The following CALN1 variants were observed in gnomAD, a reference collection of about 807,000 sequenced individuals.
CALN1 encodes the protein calneuron 1.
Under a neutral mutation model 30.6 loss-of-function variants are expected in CALN1, and 17 were observed. That is an observed-to-expected ratio of 0.56 (90% CI 0.38 to 0.83). CALN1 has a LOEUF of 0.83. Among genes scored for constraint, CALN1 ranks in the 40% least tolerant of loss-of-function variants. The pLI, the probability that CALN1 is intolerant of heterozygous loss-of-function variation, is 0.00. For missense variants in CALN1, 291 were observed against 354.9 expected (o/e 0.82, Z 1.45); for synonymous variants, 156 against 131.4 (o/e 1.19, Z -1.28).
At chr7:72,380,095 ATTGT>A (rs113793276) in intron 2 of CALN1, among the ~76,000 whole-genome samples, 3 of 152,338 alleles carry the variant, frequency 2.0e-5, no homozygotes, top group African/African-American at 4.8e-5. Context: ...AATAGTGCAC[ATTGT>A]TTTTTATTAA....
intron 2 of CALN1, among the ~76,000 whole-genome samples, chr7:72,369,580 T>C (rs1804098068): frequency 1.3e-5 from 2 of 151,926 alleles, no homozygotes; most frequent in South Asian, 4.2e-4. Context: ...AGGCTTGTCT[T>C]CAACTGCTGA....
At chr7:72,314,113 T>A (rs943282400) in intron 2 of CALN1, among the ~76,000 whole-genome samples, 1 of 151,794 alleles carries the variant, frequency 6.6e-6, no homozygotes, top group African/African-American at 2.4e-5. Flanking sequence ...AGGGCTGGAG[T>A]GAGGTGTCGG....
At chr7:72,387,835 T>C (rs1805329852) in intron 2 of CALN1, among the ~76,000 whole-genome samples, 1 of 152,048 alleles carries the variant, frequency 6.6e-6, no homozygotes, top group Non-Finnish European at 1.5e-5. Context: ...TCTGAAAAGG[T>C]TGATCCCATA....
intron 6 of CALN1, among the ~76,000 whole-genome samples, chr7:71,799,100 A>G (rs945938356): frequency 2.6e-5 from 4 of 152,216 alleles, no homozygotes; most frequent in Non-Finnish European, 5.9e-5. Flanking sequence ...AATAACTAGA[A>G]GAAGATAACT....
chr7:71,994,559 T>C (rs1799146706), intron 5 of CALN1, among the ~76,000 whole-genome samples: 3 of 149,818 alleles, frequency 2.0e-5, no homozygotes, highest in Non-Finnish European at 4.4e-5. Context: ...TGAAGTGGTG[T>C]TATTCATCTG....
At chr7:71,939,499 G>C (rs923045462) in intron 5 of CALN1, among the ~76,000 whole-genome samples, 1 of 151,770 alleles carries the variant, frequency 6.6e-6, no homozygotes, top group African/African-American at 2.4e-5. Context: ...CTTGAACCTG[G>C]GAGGCAGAGG....
chr7:72,212,772 C>T (rs1168470640), intron 3 of CALN1, among the ~76,000 whole-genome samples: 1 of 150,272 alleles, frequency 6.7e-6, no homozygotes, highest in East Asian at 2.0e-4. Flanking sequence ...TATGATTATA[C>T]CACTGCACTC....
intron 2 of CALN1, among the ~76,000 whole-genome samples, chr7:72,391,325 G>A (rs1265112204): frequency 1.3e-5 from 2 of 152,128 alleles, no homozygotes; most frequent in African/African-American, 4.8e-5. Flanking sequence ...ACCTAATAAT[G>A]ATCAGAGGTA....
At chr7:72,407,913 G>A (rs1214803579) in intron 1 of CALN1, among the ~76,000 whole-genome samples, 7 of 152,050 alleles carry the variant, frequency 4.6e-5, no homozygotes, top group Non-Finnish European at 1.0e-4. Context: ...ACGGAACCGG[G>A]GAAGATTGTC....
At chr7:72,451,215 G>A (rs34505356), upstream of CALN1, among the ~76,000 whole-genome samples, 18,948 of 123,714 alleles carry the variant, frequency 0.15, 1,441 homozygotes, top group Non-Finnish European at 0.18. Flanking sequence ...GAAGAAGGAG[G>A]AGGAGGAGGA....
chr7:72,140,060 C>T (rs1417302943), intron 3 of CALN1, among the ~76,000 whole-genome samples: 1 of 151,872 alleles, frequency 6.6e-6, no homozygotes, highest in Non-Finnish European at 1.5e-5. Context: ...TGCTTCAGGC[C>T]AGGAGTTTGA....
intron 3 of CALN1, among the ~76,000 whole-genome samples, chr7:72,111,939 C>T (rs1807606777): frequency 6.6e-6 from 1 of 151,994 alleles, no homozygotes; most frequent in Non-Finnish European, 1.5e-5. Context: ...TTAGTAGAGA[C>T]GGTGTTTCAC....
chr7:71,807,336 T>G (rs866431480), intron 6 of CALN1, among the ~76,000 whole-genome samples: 1 of 152,146 alleles, frequency 6.6e-6, no homozygotes, highest in African/African-American at 2.4e-5. Flanking sequence ...CAGTATTCTC[T>G]TCCTAGACAC....
At chr7:72,436,407 T>C (rs1251384940) in intron 1 of CALN1, among the ~76,000 whole-genome samples, 3 of 152,216 alleles carry the variant, frequency 2.0e-5, no homozygotes, top group East Asian at 1.9e-4. Context: ...GCTTCCATGA[T>C]TGTGAGCCCT....
intron 2 of CALN1, among the ~76,000 whole-genome samples, chr7:72,380,371 C>G (rs1460203197): frequency 7.2e-5 from 11 of 152,206 alleles, no homozygotes; most frequent in Admixed American, 2.6e-4. Flanking sequence ...TGCAGTGGCT[C>G]ATACCTATAA....
intron 4 of CALN1, among the ~76,000 whole-genome samples, chr7:72,049,809 A>ATTTTTTTT (rs36079674): frequency 1.1e-5 from 1 of 90,554 alleles, no homozygotes. Flanking sequence ...GGCCAAGTCT[A>ATTTTTTTT]TTTCTTTTTT....
intron 2 of CALN1, among the ~76,000 whole-genome samples, chr7:72,318,242 G>A (rs974722689): frequency 5.3e-5 from 8 of 152,132 alleles, no homozygotes; most frequent in East Asian, 1.9e-4. Flanking sequence ...TTGATTTTAC[G>A]TTATTTTCTC....
intron 5 of CALN1, among the ~76,000 whole-genome samples, chr7:71,906,646 T>C (rs1182696762): frequency 6.6e-6 from 1 of 152,232 alleles, no homozygotes; most frequent in East Asian, 1.9e-4. Context: ...CCAACAAGCT[T>C]ACACTGTAGC....
chr7:72,071,537 G>A (rs1804395774), intron 4 of CALN1, among the ~76,000 whole-genome samples: 1 of 152,164 alleles, frequency 6.6e-6, no homozygotes, highest in South Asian at 2.1e-4. Flanking sequence ...AAAGGTGCAG[G>A]CTCAGAAAAG....
Sources: gnomAD v4.1 joint callset for allele counts (sites outside exome capture counted in the v4.1 genomes callset) on GRCh38, gnomAD v4.1.1 for gene constraint, MANE v1.5 for transcripts, NCBI Gene and HGNC (gene_info 2026-07-23, HGNC 2026-07-21) for gene names.